The following CALN1 variants were observed in gnomAD, a reference collection of about 807,000 sequenced individuals.
The protein encoded by CALN1 is calcium-binding protein 8.
CALN1 carries 17 observed loss-of-function variants against 30.6 expected under a neutral mutation model. That is an observed-to-expected ratio of 0.56 (90% CI 0.38 to 0.83). The LOEUF (loss-of-function observed/expected upper bound fraction) is 0.83, where lower values mean the gene tolerates loss of function less well. CALN1 is among the 40% of genes least tolerant of loss of function. The pLI, the probability that CALN1 is intolerant of heterozygous loss-of-function variation, is 0.00. For missense variants in CALN1, 291 were observed against 354.9 expected (o/e 0.82, Z 1.45); for synonymous variants, 156 against 131.4 (o/e 1.19, Z -1.28).
chr7:72,392,004 T>C (rs566299521), intron 2 of CALN1, among the ~76,000 whole-genome samples: 4 of 152,316 alleles, frequency 2.6e-5, no homozygotes, highest in East Asian at 1.9e-4. Flanking sequence ...GCAGAAGCAA[T>C]AGCTTACAAG....
At chr7:71,954,966 T>G (rs1796882771) in intron 5 of CALN1, among the ~76,000 whole-genome samples, 1 of 152,216 alleles carries the variant, frequency 6.6e-6, no homozygotes, top group Admixed American at 6.5e-5. Flanking sequence ...TGTTGTTTTT[T>G]AGGATGAGAG....
At chr7:72,041,196 G>C (rs188194849) in intron 4 of CALN1, among the ~76,000 whole-genome samples, 4 of 152,220 alleles carry the variant, frequency 2.6e-5, no homozygotes, top group Admixed American at 1.3e-4. Flanking sequence ...CAAGAGAGAG[G>C]CATGTGCCTG....
chr7:72,384,324 G>C (rs776731367), intron 2 of CALN1, among the ~76,000 whole-genome samples: 2 of 152,120 alleles, frequency 1.3e-5, no homozygotes, highest in African/African-American at 2.4e-5. Context: ...AACACAGAGA[G>C]AATAAAAAAC....
intron 5 of CALN1, among the ~76,000 whole-genome samples, chr7:71,869,322 T>G (rs1198758083): frequency 1.3e-5 from 2 of 152,186 alleles, no homozygotes; most frequent in African/African-American, 4.8e-5. Flanking sequence ...GGGATTCTCC[T>G]GCCTCAGCCT....
intron 2 of CALN1, among the ~76,000 whole-genome samples, chr7:72,401,060 G>A (rs1407661456): frequency 1.3e-5 from 2 of 152,116 alleles, no homozygotes; most frequent in Non-Finnish European, 2.9e-5. Context: ...GGAGGGCCCT[G>A]GTGCCCGTTT....
chr7:72,275,176 T>TG (rs1340509790), intron 3 of CALN1, among the ~76,000 whole-genome samples: 1 of 152,054 alleles, frequency 6.6e-6, no homozygotes, highest in Admixed American at 6.6e-5. Flanking sequence ...CTAATGCCTA[T>TG]GCTCAAGGCA....
intron 5 of CALN1, among the ~76,000 whole-genome samples, chr7:72,011,658 C>T (rs1295444467): frequency 6.6e-6 from 1 of 152,104 alleles, no homozygotes; most frequent in Non-Finnish European, 1.5e-5. Context: ...AGCATCCATC[C>T]TAATCATCTT....
At chr7:72,113,559 C>T (rs1339204924) in intron 3 of CALN1, among the ~76,000 whole-genome samples, 3 of 152,216 alleles carry the variant, frequency 2.0e-5, no homozygotes, top group East Asian at 1.9e-4. Context: ...TGGGCTCTAC[C>T]CCGCAGGCCA....
chr7:71,833,597 AATAGAGG>A (rs1789420562), intron 5 of CALN1, among the ~76,000 whole-genome samples: 1 of 151,632 alleles, frequency 6.6e-6, no homozygotes, highest in Admixed American at 6.6e-5. Flanking sequence ...AAAAAGACCA[AATAGAGG>A]ATGAAGAATC....
At chr7:71,923,787 T>C (rs747530888) in intron 5 of CALN1, among the ~76,000 whole-genome samples, 4 of 112,208 alleles carry the variant, frequency 3.6e-5, no homozygotes, top group Non-Finnish European at 7.0e-5. Context: ...AGCACCACAA[T>C]AGACCACAGT....
chr7:71,882,061 T>C (rs1360721136), intron 5 of CALN1, among the ~76,000 whole-genome samples: 1 of 152,022 alleles, frequency 6.6e-6, no homozygotes, highest in African/African-American at 2.4e-5. Context: ...AGTCAGACCC[T>C]GTCTCTTAAA....
chr7:72,168,487 T>TA (rs1788689735), intron 3 of CALN1, among the ~76,000 whole-genome samples: 1 of 152,194 alleles, frequency 6.6e-6, no homozygotes, highest in South Asian at 2.1e-4. Context: ...GTGGATCTTT[T>TA]AAAATGCACC....
At chr7:72,484,306 T>G in the CALN1 span, among the ~76,000 whole-genome samples, 50 of 152,274 alleles carry the variant, frequency 3.3e-4, no homozygotes, top group Admixed American at 2.8e-3. Flanking sequence ...TAGAACTAGC[T>G]TATCTATTTG....
intron 3 of CALN1, among the ~76,000 whole-genome samples, chr7:72,140,552 C>A (rs886251445): frequency 6.6e-6 from 1 of 152,190 alleles, no homozygotes; most frequent in East Asian, 1.9e-4. Flanking sequence ...CAAAGGAAGA[C>A]AAGGGCAGAA....
intron 3 of CALN1, among the ~76,000 whole-genome samples, chr7:72,140,098 C>G (rs535987740): frequency 6.6e-6 from 1 of 151,916 alleles, no homozygotes; most frequent in East Asian, 1.9e-4. Flanking sequence ...AAGTAACACC[C>G]TGTCTCTGCA....
the CALN1 span, among the ~76,000 whole-genome samples, chr7:72,471,229 A>G: frequency 6.6e-6 from 1 of 152,266 alleles, no homozygotes; most frequent in East Asian, 1.9e-4. Flanking sequence ...TGGAGCTTAT[A>G]GGGTTTCCTA....
chr7:71,943,559 G>C (rs1301741681), intron 5 of CALN1, among the ~76,000 whole-genome samples: 1 of 146,388 alleles, frequency 6.8e-6, no homozygotes, highest in African/African-American at 2.5e-5. Context: ...TCGTGCCTCA[G>C]CCTCCCGAGT....
intron 3 of CALN1, among the ~76,000 whole-genome samples, chr7:72,227,331 G>A (rs555758302): frequency 2.2e-4 from 33 of 152,076 alleles, no homozygotes; most frequent in African/African-American, 7.0e-4. Context: ...CTAAAGGTCA[G>A]GAGTTCAAGA....
chr7:71,937,624 G>C (rs1584554164), intron 5 of CALN1, among the ~76,000 whole-genome samples: 1 of 151,856 alleles, frequency 6.6e-6, no homozygotes, highest in Non-Finnish European at 1.5e-5. Flanking sequence ...GGCTACAAGT[G>C]TGTACCATTA....
Sources: gnomAD v4.1 joint callset for allele counts (sites outside exome capture counted in the v4.1 genomes callset) on GRCh38, gnomAD v4.1.1 for gene constraint, MANE v1.5 for transcripts, NCBI Gene and HGNC (gene_info 2026-07-23, HGNC 2026-07-21) for gene names.